REL: variants seen among roughly 807,000 people sequenced by gnomAD.
The protein encoded by REL is REL proto-oncogene, NF-kB subunit.
Under a neutral mutation model 45.9 loss-of-function variants are expected in REL, and 15 were observed. The observed-to-expected ratio is 0.33, with a 90% CI of 0.22 to 0.50. The LOEUF (loss-of-function observed/expected upper bound fraction) is 0.50, where lower values mean the gene tolerates loss of function less well. Among genes scored for constraint, REL ranks in the 20% least tolerant of loss-of-function variants. REL has a pLI of 0.98. For missense variants in REL, 601 were observed against 715.2 expected (o/e 0.84, Z 1.82); for synonymous variants, 239 against 242.1 (o/e 0.99, Z 0.12).
At chr2:60,894,977 C>A (rs954360035) in intron 3 of REL, among the ~76,000 whole-genome samples, 1 of 151,598 alleles carries the variant, frequency 6.6e-6, no homozygotes, top group African/African-American at 2.4e-5. Context: ...CTGCCTCAGC[C>A]TCCCGAGTAG....
intron 3 of REL, chr2:60,899,589 G>A (rs1012663180): frequency 2.0e-5 from 3 of 152,384 alleles, no homozygotes; most frequent in African/African-American, 7.2e-5. Flanking sequence ...AAGAACATGA[G>A]CATAAGACAG....
intron 3 of REL, among the ~76,000 whole-genome samples, chr2:60,896,135 C>T (rs1490630510): frequency 6.6e-6 from 1 of 151,800 alleles, no homozygotes; most frequent in Non-Finnish European, 1.5e-5. Context: ...CCCATGTTAG[C>T]TGATATTACA....
Position 60,929,627 on chromosome 2 carries a change from C to T in REL, c.*7092C>T. On this transcript the variant is annotated 3_prime_UTR_variant, in exon 10 of 10. Transcript: ENST00000394479. ...ATAGGTGGGAATTGAACAATGAGAA[C>T]ACATGGACACAGGAAGGGGAATATC... is the stretch of plus-strand genomic sequence containing the variant. The T allele has an allele frequency of 7.1e-6, 1 of 141,590 alleles. No homozygotes were observed. The highest frequency in any genetic ancestry group is 1.5e-5 in the Non-Finnish European group (1 of 66,610). 8.8% of individuals were successfully genotyped at this position (141,590 alleles called of 1,614,324 possible).
intron 4 of REL, among the ~76,000 whole-genome samples, chr2:60,905,340 C>T (rs561969372): frequency 5.9e-4 from 90 of 152,166 alleles, no homozygotes; most frequent in African/African-American, 2.1e-3. Context: ...GTGATCCGCC[C>T]GCCTCAGCCT....
chr2:60,889,711 G>A (rs920348205), intron 1 of REL, among the ~76,000 whole-genome samples: 5 of 151,914 alleles, frequency 3.3e-5, no homozygotes, highest in Admixed American at 1.3e-4. Flanking sequence ...GAGAACATGC[G>A]GTGTTTGGTT....
intron 1 of REL, among the ~76,000 whole-genome samples, chr2:60,885,112 A>G (rs1573309258): frequency 6.6e-6 from 1 of 152,202 alleles, no homozygotes; most frequent in Admixed American, 6.5e-5. Context: ...GGAGCCAGAC[A>G]ATGAATCATA....
intron 4 of REL, chr2:60,911,341 C>G (rs1347430029): frequency 6.6e-6 from 1 of 152,164 alleles, no homozygotes; most frequent in Non-Finnish European, 1.5e-5. Flanking sequence ...TGAGGTTTAT[C>G]TTAGGAGTGG....
Position 60,895,021 on chromosome 2 carries a change from T to G in REL, c.302+476T>G, listed in dbSNP as rs571862432. Among the ~76,000 whole-genome samples the G allele has an allele frequency of 1.4e-4, 22 of 151,854 alleles. 1 individual carries two copies. In the East Asian group the frequency reaches 4.3e-3, roughly 29 times the overall value. On this transcript the variant is annotated intron_variant, in intron 3 of 9. Transcript: ENST00000394479. ...ACAGGCATGCACCACCACGCCTGGC[T>G]AATTTTTTTGTATTTTTAGTAGAGA... is the stretch of plus-strand genomic sequence containing the variant.
chr2:60,881,971 A>C, intron 1 of REL, 121 bp downstream of exon 1: 11 of 620,852 alleles, frequency 1.8e-5, no homozygotes, highest in Non-Finnish European at 2.8e-5. Flanking sequence ...TTAAAATCTC[A>C]TATGGTAAAA....
In REL at chr2:60,922,682, A is replaced by G. The variant is rs749428492; in HGVS notation, c.*147A>G. 2.1e-5 allele frequency: 27 copies of G among 1,297,680 alleles called. No homozygotes were observed. The highest frequency in any genetic ancestry group is 2.4e-5 in the Non-Finnish European group (25 of 1,025,648). The allele number at this position is 1,297,680 out of a possible 1,614,324, so 80.4% of individuals were successfully genotyped here. ...TAATACTGTATTTGAGAATATAAAA[A>G]ACTTTTTTCAGGGAAGAAGCATACA... On this transcript the variant is annotated 3_prime_UTR_variant, in exon 10 of 10. Coordinates refer to ENST00000394479, the MANE Select transcript of REL (RefSeq NM_001291746.2).
chr2:60,890,246 T>C (rs890452275), intron 1 of REL, among the ~76,000 whole-genome samples: 1 of 152,246 alleles, frequency 6.6e-6, no homozygotes, highest in East Asian at 1.9e-4. Flanking sequence ...TGAATGTGTA[T>C]GTATATATGA....
At chr2:60,912,451 A>G (rs1673846183) in intron 4 of REL, among the ~76,000 whole-genome samples, 1 of 152,266 alleles carries the variant, frequency 6.6e-6, no homozygotes, top group South Asian at 2.1e-4. Flanking sequence ...TGGTTTTATT[A>G]TGGTGTTGTT....
At position 60,881,860 on chromosome 2, in the gene REL, C is replaced by A; in HGVS notation, c.10+10C>A. ...GGAGCCATGGCCTCCGGTGAGTGTT[C>A]ATGGGGCGCGGGCCTGGGCCGGGGG... On this transcript the variant is annotated intron_variant, in intron 1 of 9. Coordinates refer to ENST00000394479, the MANE Select transcript of REL (RefSeq NM_001291746.2). 6.7e-7 allele frequency: 1 copy of A among 1,490,172 alleles called. No individual in the cohort carries two copies. 92.3% of individuals were successfully genotyped at this position (1,490,172 alleles called of 1,614,324 possible).
At chr2:60,908,565 G>A (rs980859184) in intron 4 of REL, among the ~76,000 whole-genome samples, 1 of 152,116 alleles carries the variant, frequency 6.6e-6, no homozygotes, top group African/African-American at 2.4e-5. Context: ...AACAAGAGTG[G>A]CAGTTAGACT....
At chr2:60,896,012 T>G (rs1234090582) in intron 3 of REL, among the ~76,000 whole-genome samples, 3 of 152,068 alleles carry the variant, frequency 2.0e-5, no homozygotes, top group Non-Finnish European at 2.9e-5. Context: ...TTTGTTTTTT[T>G]TTTTCTTTTT....
chr2:60,890,469 A>G (rs1036422390), intron 1 of REL, among the ~76,000 whole-genome samples: 5 of 152,118 alleles, frequency 3.3e-5, no homozygotes, highest in Non-Finnish European at 5.9e-5. Flanking sequence ...CTGTGTTACC[A>G]TTTCTCAGGA....
chr2:60,914,582 C>G (rs1352165506), intron 4 of REL, among the ~76,000 whole-genome samples: 1 of 152,120 alleles, frequency 6.6e-6, no homozygotes, highest in African/African-American at 2.4e-5. Flanking sequence ...ATATGTCCTG[C>G]TACATAACCA....
Position 60,930,808 on chromosome 2 carries a change from G to T in REL, c.*8273G>T, listed in dbSNP as rs1159966614. ...TTATCCTCTAATATTCTTATCAGTT[G>T]TTTCCACAACTTTAGTTTACTATTG... On this transcript the variant is annotated 3_prime_UTR_variant, in exon 10 of 10. Coordinates refer to ENST00000394479, the MANE Select transcript of REL (RefSeq NM_001291746.2). 1 of 152,244 alleles carries T rather than the reference G, an allele frequency of 6.6e-6. No homozygotes were observed. Among genetic ancestry groups the T allele is most frequent in the Admixed American group, 6.5e-5 (1 of 15,276 alleles). The allele number at this position is 152,244 out of a possible 1,614,324, so 9.4% of individuals were successfully genotyped here.
In REL at chr2:60,920,118, A is replaced by G; in HGVS notation, c.922+9A>G. 6.3e-7 allele frequency: 1 copy of G among 1,578,460 alleles called. No homozygotes were observed. Among genetic ancestry groups the G allele is most frequent in the Non-Finnish European group, 8.7e-7 (1 of 1,155,968 alleles). ...ACTGTGCCAGGATCACGGTAAGAAT[A>G]GTTTGGATCGATTCATATTTAAATA... On this transcript the variant is annotated intron_variant, in intron 8 of 9. Coordinates refer to ENST00000394479, the MANE Select transcript of REL (RefSeq NM_001291746.2).
Sources: allele counts gnomAD v4.1 joint callset (sites outside exome capture counted in the v4.1 genomes callset), GRCh38; gene constraint gnomAD v4.1.1; transcripts MANE v1.5; gene names NCBI Gene and HGNC (gene_info 2026-07-23, HGNC 2026-07-21).